IPO9: variants seen among roughly 807,000 people sequenced by gnomAD.
The protein encoded by IPO9 is importin-9.
A neutral mutation model predicts 128.6 loss-of-function variants in IPO9; 28 were observed. The ratio of observed to expected loss-of-function variants is 0.22; its 90% CI spans 0.16 to 0.30. The LOEUF is 0.30. Among genes scored for constraint, IPO9 ranks in the 10% least tolerant of loss-of-function variants. IPO9 has a pLI of 1.00. For synonymous variants in IPO9, 455 were observed against 475.8 expected (o/e 0.96, Z 0.57); for missense variants, 935 against 1,293.9 (o/e 0.72, Z 4.26).
intron 1 of IPO9, among the ~76,000 whole-genome samples, chr1:201,843,954 TAAAG>T (rs1045750041): frequency 6.6e-5 from 10 of 151,570 alleles, no homozygotes; most frequent in Non-Finnish European, 1.3e-4. Flanking sequence ...TTGTAATAAA[TAAAG>T]GAGAAGGGAC....
At position 201,868,665 on chromosome 1, in the gene IPO9, C is replaced by G; in HGVS notation, c.1873C>G (p.Leu625Val). ...CACTTCAGATCCCGTCGTCGCCTCA[C>G]TGGCTCAGGACATCTTCAAGGAGCT... ...KYSNDPVVAS[L>V]AQDIFKELSQ... The change falls in exon 16 of 24, where the codon CTG (leucine) becomes GTG (valine). Residue 625 changes from leucine to valine, a missense_variant. Around this residue, in one of 3 missense-constraint regions of IPO9, gnomAD observed 741 missense variants for 1,019.1 expected, o/e 0.73. Coordinates refer to ENST00000361565, the MANE Select transcript of IPO9 (RefSeq NM_018085.5). 2 of 1,613,790 alleles carry G rather than the reference C, an allele frequency of 1.2e-6. No individual in the cohort carries two copies. The highest frequency in any genetic ancestry group is 1.7e-6 in the Non-Finnish European group (2 of 1,179,848).
intron 8 of IPO9, 32 bp from the exon 9 acceptor site, chr1:201,855,092 T>C (rs1326610532): frequency 1.4e-6 from 2 of 1,457,682 alleles, no homozygotes; most frequent in East Asian, 4.5e-5. Context: ...TAAAGCAGAC[T>C]CCAAATTCTA....
intron 15 of IPO9, among the ~76,000 whole-genome samples, chr1:201,868,097 C>T (rs1039082557): frequency 5.3e-5 from 8 of 152,180 alleles, no homozygotes; most frequent in African/African-American, 1.9e-4. Flanking sequence ...ATGTTTTGTT[C>T]TATAGATAAA....
In IPO9 at chr1:201,863,546, A is replaced by G. The variant is rs748425552; in HGVS notation, c.1567A>G (p.Ser523Gly). The G allele has an allele frequency of 4.4e-6, 7 of 1,607,224 alleles. No homozygotes were observed. Among genetic ancestry groups the G allele is most frequent in the Non-Finnish European group, 6.0e-6 (7 of 1,174,402 alleles). The change falls in exon 14 of 24, where the codon AGT (serine) becomes GGT (glycine). Residue 523 changes from serine to glycine, a missense_variant. Coordinates refer to ENST00000361565, the MANE Select transcript of IPO9 (RefSeq NM_018085.5). The stretch of plus-strand genomic sequence containing the variant: ...CCAGCAGTTCCTACAGGCAACAGTT[A>G]GTGGTCTTCACGAGACACAGCCCCC... ...LIQQFLQATV[S>G]GLHETQPPSV...
At chr1:201,874,599 A>G (rs1253099076) in intron 21 of IPO9, among the ~76,000 whole-genome samples, 1 of 152,198 alleles carries the variant, frequency 6.6e-6, no homozygotes, top group Non-Finnish European at 1.5e-5. Flanking sequence ...GAGGCAAGCT[A>G]ACATAGCCCT....
intron 5 of IPO9, 89 bp from the exon 6 acceptor site, chr1:201,852,922 G>C: frequency 1.0e-6 from 1 of 994,986 alleles, no homozygotes; most frequent in East Asian, 2.4e-5. Flanking sequence ...GGATTCATTA[G>C]TCATAGTTTT....
chr1:201,861,924 G>A (rs534445297), intron 13 of IPO9, among the ~76,000 whole-genome samples: 1 of 152,282 alleles, frequency 6.6e-6, no homozygotes, highest in South Asian at 2.1e-4. Context: ...AGGTGAATAT[G>A]TTGGCTTGCA....
chr1:201,852,583 A>T (rs76585425), intron 5 of IPO9, among the ~76,000 whole-genome samples: 1 of 152,154 alleles, frequency 6.6e-6, no homozygotes, highest in Non-Finnish European at 1.5e-5. Flanking sequence ...TTGCATATAT[A>T]TTTGATTAGT....
At chr1:201,847,214 A>T in intron 1 of IPO9, 65 bp from the exon 2 acceptor site, 1 of 1,153,400 alleles carries the variant, frequency 8.7e-7, no homozygotes, top group Non-Finnish European at 1.3e-6. Flanking sequence ...CATCAGGGTT[A>T]GAGCTTAGTA....
chr1:201,842,653 TCCGCC>T (rs954266112), intron 1 of IPO9, among the ~76,000 whole-genome samples: 2 of 152,198 alleles, frequency 1.3e-5, no homozygotes, highest in Admixed American at 1.3e-4. Flanking sequence ...AATATCACAG[TCCGCC>T]CTTGGGTCTT....
chr1:201,838,698 C>T (rs1332569900), intron 1 of IPO9, among the ~76,000 whole-genome samples: 1 of 151,778 alleles, frequency 6.6e-6, no homozygotes, highest in Non-Finnish European at 1.5e-5. Context: ...CAATAGGTGC[C>T]ATAGGAGTGG....
intron 4 of IPO9, 124 bp downstream of exon 4, chr1:201,848,718 T>A: frequency 1.1e-6 from 1 of 904,978 alleles, no homozygotes; most frequent in South Asian, 1.6e-5. Flanking sequence ...TCCTCCCTCC[T>A]AGTTTTTATC....
In IPO9 at chr1:201,844,739, G is replaced by A. The variant is rs568997861; in HGVS notation, c.164-2540G>A. 2.6e-5 allele frequency among the ~76,000 whole-genome samples: 4 copies of A among 152,260 alleles called. No homozygotes were observed. The East Asian group carries it at 7.7e-4, about 29-fold the overall frequency. On this transcript the variant is annotated intron_variant, in intron 1 of 23. Transcript: ENST00000361565. ...TAACCTGGTTACTTGGATAAGCCCTGAACCTGAAACATTGCATGTAACAAC... is the reference window on the plus strand; with the variant it reads ...TAACCTGGTTACTTGGATAAGCCCTAAACCTGAAACATTGCATGTAACAAC...
chr1:201,853,120 A>G, intron 6 of IPO9, 23 bp downstream of exon 6: 1 of 1,594,212 alleles, frequency 6.3e-7, no homozygotes, highest in East Asian at 2.2e-5. Context: ...TTGGATCAAT[A>G]ACAGACTTCA....
At chr1:201,860,658 C>G (rs548868498) in intron 13 of IPO9, among the ~76,000 whole-genome samples, 1 of 152,310 alleles carries the variant, frequency 6.6e-6, no homozygotes, top group East Asian at 1.9e-4. Context: ...AAAACCTTTT[C>G]TACACCAACC....
rs571137413 is a variant in IPO9, at chr1:201,854,608, T to C, written c.704T>C (p.Val235Ala). 5.6e-6 allele frequency: 9 copies of C among 1,613,990 alleles called. No individual in the cohort carries two copies. In the African/African-American group the frequency reaches 1.2e-4, roughly 22 times the overall value. Residue 235 changes from valine to alanine, a missense_variant, in exon 7 of 24, where the codon GTC (valine) becomes GCC (alanine). Transcript: ENST00000361565. ...TTCTGTTATCAGGGTGCAGCCAAAG[T>C]CCTGATCTTTCCCGTGGTACAGCAG... ...MEELEKGAAK[V>A]LIFPVVQQFT...
chr1:201,845,385 G>A (rs1004214036), intron 1 of IPO9, among the ~76,000 whole-genome samples: 1 of 152,170 alleles, frequency 6.6e-6, no homozygotes, highest in Non-Finnish European at 1.5e-5. Flanking sequence ...CTAATGACAG[G>A]CATGGTGGCT....
At chr1:201,843,502 AG>A (rs1680074127) in intron 1 of IPO9, among the ~76,000 whole-genome samples, 1 of 152,258 alleles carries the variant, frequency 6.6e-6, no homozygotes. Context: ...GAGCTACTTC[AG>A]GAACCAAGGA....
At chr1:201,850,142 G>A in intron 4 of IPO9, among the ~76,000 whole-genome samples, 1 of 152,324 alleles carries the variant, frequency 6.6e-6, no homozygotes, top group Middle Eastern at 3.4e-3. Flanking sequence ...TGTTCAGTGA[G>A]ATCACTTTTC....
Sources: allele counts gnomAD v4.1 joint callset (sites outside exome capture counted in the v4.1 genomes callset), GRCh38; gene constraint gnomAD v4.1.1; regional missense constraint gnomAD v4.1.1; transcripts MANE v1.5; gene names NCBI Gene and HGNC (gene_info 2026-07-23, HGNC 2026-07-21).